Variants in DOCK3 observed in about 807,000 individuals in gnomAD.
DOCK3 encodes the protein dedicator of cytokinesis protein 3.
DOCK3 carries 60 observed loss-of-function variants against 265.6 expected under a neutral mutation model. The ratio of observed to expected loss-of-function variants is 0.23; its 90% CI spans 0.18 to 0.28. The LOEUF is 0.28. Among genes scored for constraint, DOCK3 ranks in the 10% least tolerant of loss-of-function variants. The pLI is 1.00. For missense variants in DOCK3, 1,981 were observed against 2,594.3 expected (o/e 0.76, Z 5.14); for synonymous variants, 881 against 938.0 (o/e 0.94, Z 1.11).
chr3:51,299,377 T>C (rs2082263306), intron 27 of DOCK3, among the ~76,000 whole-genome samples: 1 of 152,208 alleles, frequency 6.6e-6, no homozygotes, highest in Non-Finnish European at 1.5e-5. Flanking sequence ...ATCTGTTTAC[T>C]CTGATGTTAG....
intron 5 of DOCK3, among the ~76,000 whole-genome samples, chr3:50,968,806 T>C (rs6775938): frequency 0.83 from 125,849 of 152,186 alleles, 52,666 homozygotes; most frequent in East Asian, 0.94. Flanking sequence ...TGCCTCGGCC[T>C]CCCAAAGTCC....
At chr3:51,226,778 G>A (rs1407678838) in intron 15 of DOCK3, among the ~76,000 whole-genome samples, 2 of 152,156 alleles carry the variant, frequency 1.3e-5, no homozygotes, top group African/African-American at 4.8e-5. Context: ...TTGGGAGATG[G>A]GTTAAGTTAA....
intron 4 of DOCK3, among the ~76,000 whole-genome samples, chr3:50,924,306 G>A (rs959612518): frequency 2.0e-5 from 3 of 152,034 alleles, no homozygotes; most frequent in Non-Finnish European, 2.9e-5. Flanking sequence ...AATAATTGTC[G>A]CAATTTGTGG....
At chr3:50,960,881 G>A (rs1435087216) in intron 5 of DOCK3, among the ~76,000 whole-genome samples, 1 of 152,032 alleles carries the variant, frequency 6.6e-6, no homozygotes, top group African/African-American at 2.4e-5. Context: ...TCTAAATTAA[G>A]TTTTTTCCTA....
At chr3:50,805,011 A>T (rs996436989) in intron 2 of DOCK3, among the ~76,000 whole-genome samples, 1 of 152,096 alleles carries the variant, frequency 6.6e-6, no homozygotes, top group Admixed American at 6.5e-5. Context: ...GGCATTTCAC[A>T]TATTTTCTTA....
At chr3:50,786,859 G>A (rs1426116108) in intron 2 of DOCK3, 5 of 739,106 alleles carry the variant, frequency 6.8e-6, no homozygotes, top group South Asian at 2.7e-5. Context: ...CACAGTTCTC[G>A]CATCTGAAGG....
In DOCK3 at chr3:51,021,661, C is replaced by CTTTTTTTTT. The variant is rs61097732; in HGVS notation, c.316-42783_316-42775dup. On this transcript the variant is annotated intron_variant, in intron 5 of 52. Transcript: ENST00000266037. The stretch of plus-strand genomic sequence containing the variant: ...AATAGATAATTTCTGGGAGAACTTC[C>CTTTTTTTTT]TTTTTTTTTTTTCTTTTTGAGACGG... 5.6e-5 allele frequency among the ~76,000 whole-genome samples: 8 copies of CTTTTTTTTT among 142,816 alleles called. 1 individual carries two copies. Among genetic ancestry groups the CTTTTTTTTT allele is most frequent in the Non-Finnish European group, 9.0e-5 (6 of 66,502 alleles). 93.7% of individuals were successfully genotyped at this position (142,816 alleles called of 152,430 possible).
At chr3:50,869,941 T>G (rs2047357463) in intron 3 of DOCK3, among the ~76,000 whole-genome samples, 1 of 152,186 alleles carries the variant, frequency 6.6e-6, no homozygotes, top group South Asian at 2.1e-4. Flanking sequence ...AACAAGTCTT[T>G]TTGTTATGAT....
intron 5 of DOCK3, among the ~76,000 whole-genome samples, chr3:51,017,953 C>T (rs1386776674): frequency 2.6e-5 from 4 of 151,608 alleles, no homozygotes; most frequent in Admixed American, 2.0e-4. Flanking sequence ...AGTGCAGTGG[C>T]ACGATCTCGG....
At chr3:51,297,181 T>G (rs2082136285) in intron 27 of DOCK3, among the ~76,000 whole-genome samples, 1 of 149,922 alleles carries the variant, frequency 6.7e-6, no homozygotes, top group Admixed American at 6.6e-5. Context: ...TACCTTATAG[T>G]ATTTACAAAA....
intron 12 of DOCK3, among the ~76,000 whole-genome samples, chr3:51,187,397 AT>A (rs1268943971): frequency 3.9e-5 from 6 of 152,140 alleles, no homozygotes; most frequent in Non-Finnish European, 7.3e-5. Context: ...CTTGCTTGTG[AT>A]TTTACAGACT....
chr3:50,861,757 CTT>C (rs1416468590), intron 3 of DOCK3, among the ~76,000 whole-genome samples: 23 of 127,982 alleles, frequency 1.8e-4, no homozygotes, highest in Admixed American at 1.6e-4. Flanking sequence ...CCTGCTCTCT[CTT>C]TTTTTTTTTT....
intron 22 of DOCK3, among the ~76,000 whole-genome samples, chr3:51,255,426 T>C (rs561673828): frequency 6.6e-6 from 1 of 152,348 alleles, no homozygotes; most frequent in South Asian, 2.1e-4. Flanking sequence ...CTTGCTAGGT[T>C]GGGGAAGTTC....
intron 21 of DOCK3, among the ~76,000 whole-genome samples, chr3:51,246,193 A>C (rs1314450449): frequency 6.6e-6 from 1 of 152,096 alleles, no homozygotes; most frequent in African/African-American, 2.4e-5. Flanking sequence ...AATTTAAGAC[A>C]AAACAAAAAT....
chr3:50,858,417 TAAAATA>T (rs1365938654), intron 3 of DOCK3, among the ~76,000 whole-genome samples: 1 of 133,918 alleles, frequency 7.5e-6, no homozygotes, highest in Non-Finnish European at 1.5e-5. Flanking sequence ...CCCTGTAACT[TAAAATA>T]TAATAATAAT....
chr3:50,721,447 T>G (rs540695713), intron 1 of DOCK3, among the ~76,000 whole-genome samples: 216 of 152,324 alleles, frequency 1.4e-3, no homozygotes, highest in Admixed American at 2.8e-3. Flanking sequence ...GAATAGGGAG[T>G]TCTTTCCCCA....
chr3:51,166,152 G>A (rs1560151378), intron 12 of DOCK3, among the ~76,000 whole-genome samples: 2 of 151,128 alleles, frequency 1.3e-5, no homozygotes, highest in Admixed American at 6.6e-5. Context: ...CCGGGTTCAA[G>A]CAATTCTCCT....
At chr3:50,944,809 A>G (rs904479981) in intron 5 of DOCK3, among the ~76,000 whole-genome samples, 2 of 152,080 alleles carry the variant, frequency 1.3e-5, no homozygotes, top group African/African-American at 4.8e-5. Context: ...AAGTACAAAA[A>G]ATTAGCTGGG....
At chr3:50,718,704 AG>A (rs2037280106) in intron 1 of DOCK3, among the ~76,000 whole-genome samples, 1 of 150,768 alleles carries the variant, frequency 6.6e-6, no homozygotes, top group African/African-American at 2.4e-5. Context: ...TGCATATATT[AG>A]ATTCCTTTTG....
Sources: allele counts gnomAD v4.1 joint callset (sites outside exome capture counted in the v4.1 genomes callset), GRCh38; gene constraint gnomAD v4.1.1; transcripts MANE v1.5; gene names NCBI Gene and HGNC (gene_info 2026-07-23, HGNC 2026-07-21).